B4GALT5: variants seen among roughly 807,000 people sequenced by gnomAD.
B4GALT5 encodes beta-1,4-galactosyltransferase 5.
A neutral mutation model predicts 45.0 loss-of-function variants in B4GALT5; 11 were observed. The ratio of observed to expected loss-of-function variants is 0.24; its 90% CI spans 0.15 to 0.40. The LOEUF (loss-of-function observed/expected upper bound fraction) is 0.40, where lower values mean the gene tolerates loss of function less well. Ranked by LOEUF, B4GALT5 falls within the 10% of genes least tolerant of loss-of-function variation. B4GALT5 has a pLI of 1.00. For missense variants in B4GALT5, 337 were observed against 500.2 expected (o/e 0.67, Z 3.11); for synonymous variants, 185 against 182.9 (o/e 1.01, Z -0.09).
In B4GALT5 at chr20:49,713,770, CGCCACCGCCTGGGCCTCG is replaced by C. The variant is rs1226308879; in HGVS notation, c.-98_-81del. 1.2e-5 allele frequency: 4 copies of C among 336,202 alleles called. No homozygotes were observed. Among genetic ancestry groups the C allele is most frequent in the African/African-American group, 2.3e-5 (1 of 44,438 alleles). 20.8% of individuals were successfully genotyped at this position (336,202 alleles called of 1,614,324 possible). ...CGTCCGCCGCCTCCTGGGCCGCCGC[CGCCACCGCCTGGGCCTCG>C]GCCACCGCCTCCCGGGCCTCGCGGG... On this transcript the variant is annotated 5_prime_UTR_variant, in exon 1 of 9. Transcript: ENST00000371711.
chr20:49,637,273 T>C, intron 8 of B4GALT5, 68 bp downstream of exon 8: 1 of 1,398,438 alleles, frequency 7.2e-7, no homozygotes, highest in Non-Finnish European at 1.0e-6. Context: ...GGCTGTAATA[T>C]GCTCTAAGAT....
intron 1 of B4GALT5, among the ~76,000 whole-genome samples, chr20:49,709,764 G>A (rs1172163214): frequency 9.0e-5 from 13 of 144,538 alleles, no homozygotes; most frequent in East Asian, 2.0e-4. Flanking sequence ...GCGAAACTCC[G>A]TCTCAAAAAA....
intron 1 of B4GALT5, among the ~76,000 whole-genome samples, chr20:49,708,996 C>A (rs1445498373): frequency 6.6e-6 from 1 of 151,974 alleles, no homozygotes; most frequent in Non-Finnish European, 1.5e-5. Context: ...AGGCACCTCT[C>A]TTGAAACCGA....
chr20:49,645,280 C>T (rs1371738661), intron 3 of B4GALT5, among the ~76,000 whole-genome samples: 1 of 152,118 alleles, frequency 6.6e-6, no homozygotes, highest in Non-Finnish European at 1.5e-5. Flanking sequence ...CAGTGATGTG[C>T]TTTGACATTT....
At chr20:49,667,686 T>C (rs780673839) in intron 1 of B4GALT5, among the ~76,000 whole-genome samples, 5 of 152,078 alleles carry the variant, frequency 3.3e-5, no homozygotes, top group Admixed American at 6.6e-5. Flanking sequence ...GCTGGGATTA[T>C]AGGTGTGAGC....
chr20:49,697,374 C>CATTCTGA (rs2085843708), intron 1 of B4GALT5, among the ~76,000 whole-genome samples: 1 of 152,228 alleles, frequency 6.6e-6, no homozygotes, highest in African/African-American at 2.4e-5. Flanking sequence ...TCTGGCTGTA[C>CATTCTGA]ATTCTGAGGG....
At chr20:49,694,133 C>T (rs1173541257) in intron 1 of B4GALT5, among the ~76,000 whole-genome samples, 2 of 152,162 alleles carry the variant, frequency 1.3e-5, no homozygotes, top group Admixed American at 6.5e-5. Context: ...TATTAACACC[C>T]TAATTTTCAC....
At chr20:49,700,929 T>C (rs2085858945) in intron 1 of B4GALT5, among the ~76,000 whole-genome samples, 1 of 152,240 alleles carries the variant, frequency 6.6e-6, no homozygotes, top group Non-Finnish European at 1.5e-5. Flanking sequence ...GTGACTACCT[T>C]ATTCACTATC....
chr20:49,637,267 G>A (rs1475699630), intron 8 of B4GALT5, 74 bp downstream of exon 8: 2 of 1,354,660 alleles, frequency 1.5e-6, no homozygotes, highest in Admixed American at 1.7e-5. Flanking sequence ...AGAAGGGGCT[G>A]TAATATGCTC....
intron 1 of B4GALT5, among the ~76,000 whole-genome samples, chr20:49,693,701 CA>C (rs2085825932): frequency 6.6e-6 from 1 of 152,164 alleles, no homozygotes; most frequent in Admixed American, 6.5e-5. Context: ...AGACATTTTC[CA>C]AAAGCCTGCT....
At position 49,667,641 on chromosome 20, in the gene B4GALT5, G is replaced by A. The variant is rs565503746; in HGVS notation, c.116-10939C>T. Among the ~76,000 whole-genome samples the A allele has an allele frequency of 1.1e-3, 174 of 152,154 alleles. 7 individuals carry two copies. In the South Asian group the frequency reaches 0.035, roughly 30 times the overall value. ...GCTCACTGCAGTCTTAACCTCCCTG[G>A]CTCAAGCAGTCCTCACACTTTGGCC... On this transcript the variant is annotated intron_variant, in intron 1 of 8. Coordinates refer to ENST00000371711, the MANE Select transcript of B4GALT5 (RefSeq NM_004776.4).
At chr20:49,712,927 G>A (rs942232036) in intron 1 of B4GALT5, among the ~76,000 whole-genome samples, 2 of 151,450 alleles carry the variant, frequency 1.3e-5, no homozygotes, top group Non-Finnish European at 2.9e-5. Context: ...GGGAAGGGGG[G>A]TGCCACCGGC....
chr20:49,683,564 T>C (rs2085773023), intron 1 of B4GALT5, among the ~76,000 whole-genome samples: 1 of 151,802 alleles, frequency 6.6e-6, no homozygotes, highest in African/African-American at 2.4e-5. Context: ...CGGCTAATTT[T>C]TGTATTTTTG....
chr20:49,667,576 T>C (rs1281668493), intron 1 of B4GALT5, among the ~76,000 whole-genome samples: 4 of 148,006 alleles, frequency 2.7e-5, no homozygotes, highest in Admixed American at 2.7e-4. Context: ...GACAGGATCT[T>C]GCTCTGTCAC....
intron 1 of B4GALT5, among the ~76,000 whole-genome samples, chr20:49,686,156 T>C (rs2085784598): frequency 6.6e-6 from 1 of 152,244 alleles, no homozygotes; most frequent in Non-Finnish European, 1.5e-5. Context: ...TAAATTATTT[T>C]TGGTAGTGTC....
chr20:49,656,806 C>A lies in B4GALT5; in HGVS notation c.116-104G>T, dbSNP rs2085645344. 2.1e-6 allele frequency: 3 copies of A among 1,452,762 alleles called. No individual in the cohort carries two copies. The South Asian group carries it at 3.8e-5, about 18-fold the overall frequency. The allele number at this position is 1,452,762 out of a possible 1,614,324, so 90.0% of individuals were successfully genotyped here. Reference sequence around the variant, plus strand: ...TTTTTTTCTTTTTGGACTTTTAAAGCCTCTTTTAGTTCTTTTAAAACCCTA... The same window carrying A: ...TTTTTTTCTTTTTGGACTTTTAAAGACTCTTTTAGTTCTTTTAAAACCCTA... On this transcript the variant is annotated intron_variant, in intron 1 of 8. Coordinates refer to ENST00000371711, the MANE Select transcript of B4GALT5 (RefSeq NM_004776.4).
At chr20:49,673,180 G>C (rs987676207) in intron 1 of B4GALT5, among the ~76,000 whole-genome samples, 1 of 152,172 alleles carries the variant, frequency 6.6e-6, no homozygotes, top group Non-Finnish European at 1.5e-5. Context: ...AGGAGTTCGA[G>C]ACCAGCCTGG....
chr20:49,682,084 A>G (rs2085766441), intron 1 of B4GALT5, among the ~76,000 whole-genome samples: 1 of 152,218 alleles, frequency 6.6e-6, no homozygotes, highest in African/African-American at 2.4e-5. Context: ...CAAAGGAGCC[A>G]GACCCTGTCT....
intron 1 of B4GALT5, among the ~76,000 whole-genome samples, chr20:49,674,129 G>A (rs561208831): frequency 6.8e-6 from 1 of 147,450 alleles, no homozygotes; most frequent in East Asian, 2.0e-4. Context: ...GGTGGCAGGT[G>A]CCTGTAGTCC....
Sources: gnomAD v4.1 joint callset for allele counts (sites outside exome capture counted in the v4.1 genomes callset) on GRCh38, gnomAD v4.1.1 for gene constraint, MANE v1.5 for transcripts, NCBI Gene and HGNC (gene_info 2026-07-23, HGNC 2026-07-21) for gene names.